DRC3: variants seen among roughly 807,000 people sequenced by gnomAD.
The protein encoded by DRC3 is leucine rich repeat containing 48.
A neutral mutation model predicts 57.6 loss-of-function variants in DRC3; 45 were observed. That is an observed-to-expected ratio of 0.78 (90% CI 0.62 to 1.00). DRC3 has a LOEUF of 1.00. Among genes scored for constraint, DRC3 ranks in the 50% least tolerant of loss-of-function variants. The pLI is 0.00. For synonymous variants in DRC3, 257 were observed against 272.3 expected, an observed-to-expected ratio of 0.94 and a Z score of 0.55; for missense variants, 655 against 675.2, an observed-to-expected ratio of 0.97 and a Z score of 0.33.
intron 12 of DRC3, chr17:18,007,726 A>T: frequency 8.2e-7 from 1 of 1,219,244 alleles, no homozygotes; most frequent in Non-Finnish European, 1.0e-6. Context: ...CTCTGGAAGG[A>T]GTGTGGGCAT....
chr17:17,979,796 T>C (rs529205113), intron 3 of DRC3, among the ~76,000 whole-genome samples: 83 of 152,220 alleles, frequency 5.5e-4, no homozygotes, highest in African/African-American at 2.0e-3. Flanking sequence ...GGGGCAGAAC[T>C]GGCCCCACCC....
At chr17:18,004,598 G>C in intron 10 of DRC3, 104 bp downstream of exon 10, 1 of 1,330,040 alleles carries the variant, frequency 7.5e-7, no homozygotes, top group Non-Finnish European at 1.0e-6. Context: ...GAAACGTCCA[G>C]CACGACTCAG....
In DRC3 at chr17:18,008,247, G is replaced by T. The variant is rs573302584; in HGVS notation, c.1326+1100G>T. Among the ~76,000 whole-genome samples the T allele has an allele frequency of 1.3e-5, 2 of 152,342 alleles. No homozygotes were observed. The highest frequency in any genetic ancestry group is 4.1e-4 in the South Asian group (2 of 4,830). ...GTCCTTGTCATTCAGATTTCAGCTT[G>T]ACTATCAGCTCTTGGGAGAGGCCTT... On this transcript the variant is annotated intron_variant, in intron 12 of 13. Transcript: ENST00000399187. This position sits in a 1 kb window ranked among gnomAD's most constrained non-coding sequence, Gnocchi z 4.3.
At chr17:17,989,353 A>G in intron 5 of DRC3, 1 of 152,596 alleles carries the variant, frequency 6.6e-6, no homozygotes, top group Non-Finnish European at 1.5e-5. Context: ...CCAGAGAAGC[A>G]GTGGGAGCCG....
chr17:17,993,068 G>C (rs1249893772), intron 6 of DRC3, 157 bp downstream of exon 6: 4 of 748,934 alleles, frequency 5.3e-6, no homozygotes, highest in Non-Finnish European at 8.5e-6. Context: ...GACTCTGTCA[G>C]AGTGATTCCA....
rs533440470 is a variant in DRC3 at position 17,995,049 on chromosome 17, C to T, written c.762C>T (p.Tyr254=). 35 of 1,613,962 alleles carry T rather than the reference C, an allele frequency of 2.2e-5. No individual in the cohort carries two copies. The highest frequency in any genetic ancestry group is 2.6e-5 in the Non-Finnish European group (31 of 1,179,844). Residue 254 remains tyrosine, a synonymous_variant, in exon 8 of 14, where the codon TAC becomes TAT. Coordinates refer to ENST00000399187, the MANE Select transcript of DRC3 (RefSeq NM_031294.4). ...GCTCCTTCCTGTTTGACAGCATGTA[C>T]GCTGAGGACTCAGAGGGCAACAATC... is the stretch of plus-strand genomic sequence containing the variant. ...LNGSFLFDSM[Y]AEDSEGNNLS... is the part of the protein sequence containing the mutation.
At chr17:17,988,874 G>A (rs369634580) in intron 5 of DRC3, among the ~76,000 whole-genome samples, 7 of 152,264 alleles carry the variant, frequency 4.6e-5, no homozygotes, top group East Asian at 1.9e-4. Context: ...CTGTAGTCTC[G>A]GAAGTTTGCC....
intron 2 of DRC3, among the ~76,000 whole-genome samples, chr17:17,975,941 G>A (rs1187787136): frequency 6.6e-6 from 1 of 152,210 alleles, no homozygotes; most frequent in Admixed American, 6.5e-5. Context: ...GGTCAGGGAG[G>A]CAAGAGGAGG....
At position 18,006,254 on chromosome 17, in the gene DRC3, A is replaced by G. The variant is rs2043946504; in HGVS notation, c.1202+1A>G. 3 of 1,607,994 alleles carry G rather than the reference A, an allele frequency of 1.9e-6. No homozygotes were observed. The highest frequency in any genetic ancestry group is 1.1e-5 in the South Asian group (1 of 90,332). On this transcript the variant is annotated splice_donor_variant, in intron 11 of 13. Coordinates refer to ENST00000399187, the MANE Select transcript of DRC3 (RefSeq NM_031294.4). LOFTEE classifies it high-confidence loss of function. ...TGTTTATCGAAAATGTCCAAAGCCTATATCCTTTCTGTGATGACCTTCCCC... is the reference window on the plus strand; with the variant it reads ...TGTTTATCGAAAATGTCCAAAGCCTGTATCCTTTCTGTGATGACCTTCCCC...
Position 17,997,569 on chromosome 17 carries a change from G to A in DRC3, c.934G>A (p.Ala312Thr). Residue 312 changes from alanine (A) to threonine (T), a missense_variant, in exon 9 of 14, where the codon GCC becomes ACC. Transcript: ENST00000399187. ...CACCTTCAGTGAATGTGTCCGTGAG[G>A]CCATCCAGGAAAACCAGGAGCAGGG... Reference protein sequence around the residue: ...LDTFSECVREAIQENQEQGKR... With the variant: ...LDTFSECVRETIQENQEQGKR... The A allele has an allele frequency of 6.2e-7, 1 of 1,610,286 alleles. No homozygotes were observed. Among genetic ancestry groups the A allele is most frequent in the Non-Finnish European group, 8.5e-7 (1 of 1,178,466 alleles).
At chr17:17,987,600 A>G (rs1268492153) in intron 4 of DRC3, among the ~76,000 whole-genome samples, 1 of 152,122 alleles carries the variant, frequency 6.6e-6, no homozygotes. Flanking sequence ...ACCGCTGTCT[A>G]CCCCGACCCC....
At chr17:18,007,646 C>A in intron 12 of DRC3, 1 of 1,389,942 alleles carries the variant, frequency 7.2e-7, no homozygotes, top group East Asian at 2.8e-5. Flanking sequence ...CTGGCTCCAT[C>A]CCTGGGGTCT....
Position 17,994,981 on chromosome 17 carries a change from G to A in DRC3, c.712-18G>A, listed in dbSNP as rs750434031. On this transcript the variant is annotated intron_variant, in intron 7 of 13. Transcript: ENST00000399187. The stretch of plus-strand genomic sequence containing the variant: ...CCCTGACAGGAGCCGTCCTACCTAC[G>A]TGTGTTTCTGCCTGCAGACTGCGTT... 271 of 1,599,778 alleles carry A rather than the reference G, an allele frequency of 1.7e-4. 1 individual carries two copies. In the South Asian group the frequency reaches 1.7e-3, roughly 10 times the overall value.
intron 3 of DRC3, among the ~76,000 whole-genome samples, chr17:17,981,934 G>T (rs1046284199): frequency 6.6e-6 from 1 of 151,936 alleles, no homozygotes; most frequent in African/African-American, 2.4e-5. Flanking sequence ...GCAATCCACC[G>T]GCCTTGGCCT....
At position 18,016,752 on chromosome 17, in the gene DRC3, A is replaced by C. The variant is rs2044380318; in HGVS notation, c.*81A>C. On this transcript the variant is annotated 3_prime_UTR_variant, in exon 14 of 14. Coordinates refer to ENST00000399187, the MANE Select transcript of DRC3 (RefSeq NM_031294.4). ...AAGGAAGTGCACACGCCTCACCCGC[A>C]CCTCTAGAGAGTTGCTGGGCATCTC... 3 of 796,472 alleles carry C rather than the reference A, an allele frequency of 3.8e-6. No homozygotes were observed. In the Admixed American group the frequency reaches 7.6e-5, roughly 20 times the overall value. The allele number at this position is 796,472 out of a possible 1,614,324, so 49.3% of individuals were successfully genotyped here.
chr17:17,990,988 T>A (rs1489872979), intron 5 of DRC3, among the ~76,000 whole-genome samples: 1 of 151,804 alleles, frequency 6.6e-6, no homozygotes, highest in Non-Finnish European at 1.5e-5. Context: ...CAAAACTCCA[T>A]CTAAAAAAAA....
chr17:17,974,959 T>C (rs2042313377), intron 2 of DRC3, among the ~76,000 whole-genome samples: 1 of 152,158 alleles, frequency 6.6e-6, no homozygotes, highest in South Asian at 2.1e-4. Context: ...CTTTTACAGA[T>C]GGGAAAGCCA....
chr17:18,016,703 C>A lies in DRC3; in HGVS notation c.*32C>A. 1 of 1,425,834 alleles carries A rather than the reference C, an allele frequency of 7.0e-7. No homozygotes were observed. The highest frequency in any genetic ancestry group is 9.9e-7 in the Non-Finnish European group (1 of 1,012,060). 88.3% of individuals were successfully genotyped at this position (1,425,834 alleles called of 1,614,324 possible). On this transcript the variant is annotated 3_prime_UTR_variant, in exon 14 of 14. Coordinates refer to ENST00000399187, the MANE Select transcript of DRC3 (RefSeq NM_031294.4). ...GTCAGCCACAGGAGCTTCTTCAAAACATAGCACCAGCCCCAGCCAGGAGAA... is the reference window on the plus strand; with the variant it reads ...GTCAGCCACAGGAGCTTCTTCAAAAAATAGCACCAGCCCCAGCCAGGAGAA...
At chr17:17,991,655 A>C (rs2043238737) in intron 5 of DRC3, among the ~76,000 whole-genome samples, 1 of 152,080 alleles carries the variant, frequency 6.6e-6, no homozygotes, top group African/African-American at 2.4e-5. Flanking sequence ...AACCACAGTT[A>C]CTTTTGCACC....
Sources: gnomAD v4.1 joint callset for allele counts (sites outside exome capture counted in the v4.1 genomes callset) on GRCh38, gnomAD v4.1.1 for gene constraint, Gnocchi (gnomAD v3.1) non-coding constraint, MANE v1.5 for transcripts, NCBI Gene and HGNC (gene_info 2026-07-23, HGNC 2026-07-21) for gene names.